CRPPA: variants seen among roughly 807,000 people sequenced by gnomAD.
CRPPA encodes the protein D-ribitol-5-phosphate cytidylyltransferase.
Under a neutral mutation model 52.0 loss-of-function variants are expected in CRPPA, and 43 were observed. The ratio of observed to expected loss-of-function variants is 0.83; its 90% CI spans 0.65 to 1.07. The LOEUF is 1.07. Among genes scored for constraint, CRPPA ranks in the 50% least tolerant of loss-of-function variants. CRPPA has a pLI of 0.00. For missense variants in CRPPA, 629 were observed against 551.7 expected (o/e 1.14, Z -1.40); for synonymous variants, 250 against 203.5 (o/e 1.23, Z -1.94).
At chr7:16,334,748 C>G (rs1785637265) in intron 3 of CRPPA, among the ~76,000 whole-genome samples, 1 of 152,158 alleles carries the variant, frequency 6.6e-6, no homozygotes, top group African/African-American at 2.4e-5. Flanking sequence ...CAGGAAGCAA[C>G]CGAGCCCAAT....
chr7:16,209,830 T>C (rs2128395888), intron 9 of CRPPA, among the ~76,000 whole-genome samples: 1 of 152,296 alleles, frequency 6.6e-6, no homozygotes, highest in South Asian at 2.1e-4. Flanking sequence ...CATTTTATAA[T>C]CAAATACAGA....
intron 9 of CRPPA, among the ~76,000 whole-genome samples, chr7:16,151,143 T>C (rs1364763065): frequency 3.9e-5 from 6 of 152,330 alleles, no homozygotes; most frequent in African/African-American, 1.4e-4. Context: ...ACTGATAAAA[T>C]GAGACAATGT....
intron 3 of CRPPA, among the ~76,000 whole-genome samples, chr7:16,336,052 T>C (rs1431221995): frequency 6.6e-6 from 1 of 152,170 alleles, no homozygotes; most frequent in Non-Finnish European, 1.5e-5. Flanking sequence ...TTAAAAATTT[T>C]CCCACAAAAA....
chr7:16,378,798 C>T (rs1031370787), intron 2 of CRPPA, among the ~76,000 whole-genome samples: 1 of 152,078 alleles, frequency 6.6e-6, no homozygotes, highest in Non-Finnish European at 1.5e-5. Context: ...TTAATGATTG[C>T]CATTCTAACT....
intron 3 of CRPPA, among the ~76,000 whole-genome samples, chr7:16,350,025 A>G (rs1260173767): frequency 6.6e-6 from 1 of 152,064 alleles, no homozygotes; most frequent in Non-Finnish European, 1.5e-5. Context: ...TGTTAGAGAC[A>G]TGTGAGCCCC....
intron 8 of CRPPA, among the ~76,000 whole-genome samples, chr7:16,244,521 A>G (rs1294849807): frequency 6.6e-6 from 1 of 152,184 alleles, no homozygotes; most frequent in Non-Finnish European, 1.5e-5. Context: ...AACGTAAGAG[A>G]CAATGGAGGT....
At chr7:16,257,287 G>A (rs1783670330) in intron 8 of CRPPA, among the ~76,000 whole-genome samples, 1 of 152,074 alleles carries the variant, frequency 6.6e-6, no homozygotes, top group South Asian at 2.1e-4. Context: ...TTCTAAGCAA[G>A]TAAATGTGGA....
chr7:16,150,282 A>G (rs1783051790), intron 9 of CRPPA, among the ~76,000 whole-genome samples: 1 of 152,202 alleles, frequency 6.6e-6, no homozygotes, highest in Non-Finnish European at 1.5e-5. Flanking sequence ...AAGAATAATC[A>G]GCAACTTTCT....
rs1292380177 is a variant in CRPPA at position 16,421,102 on chromosome 7, C to G, written c.221G>C (p.Arg74Thr). 2 of 1,300,826 alleles carry G rather than the reference C, an allele frequency of 1.5e-6. No individual in the cohort carries two copies. Among genetic ancestry groups the G allele is most frequent in the African/African-American group, 3.1e-5 (2 of 64,906 alleles). 80.6% of individuals were successfully genotyped at this position (1,300,826 alleles called of 1,614,324 possible). A position where few individuals can be genotyped will look rare whatever the true frequency, so the allele number is the denominator to read the frequency against. ...CTGTAGGGTGTAGCTGATGAGCGGC[C>G]TCTCCAGGATGGGGCAGAATTGCTT... ...TPKQFCPILERPLISYTLQAL... is the reference protein window; with the variant it reads ...TPKQFCPILETPLISYTLQAL... Residue 74 changes from arginine (R) to threonine (T), a missense_variant, in exon 1 of 10, where the codon AGG (arginine) becomes ACG (threonine). Arg to Thr is a moderately conservative substitution (Grantham distance 71). Transcript: ENST00000407010.
chr7:16,328,349 A>T (rs1033643181), intron 3 of CRPPA, among the ~76,000 whole-genome samples: 1 of 152,236 alleles, frequency 6.6e-6, no homozygotes, highest in African/African-American at 2.4e-5. Context: ...AGTTAACTAC[A>T]TTCTAAAACT....
intron 2 of CRPPA, among the ~76,000 whole-genome samples, chr7:16,377,213 T>C (rs983392460): frequency 6.6e-6 from 1 of 152,076 alleles, no homozygotes; most frequent in African/African-American, 2.4e-5. Context: ...ATAAATTGTG[T>C]CACACCTTCC....
chr7:16,324,452 G>A (rs9639259), intron 3 of CRPPA, among the ~76,000 whole-genome samples: 70,724 of 152,028 alleles, frequency 0.47, 16,607 homozygotes, highest in South Asian at 0.6. Context: ...ACATTCTGTC[G>A]ATTCTAACAT....
chr7:16,199,077 T>C (rs977283833), intron 9 of CRPPA, among the ~76,000 whole-genome samples: 1 of 152,188 alleles, frequency 6.6e-6, no homozygotes, highest in Non-Finnish European at 1.5e-5. Flanking sequence ...AATTTTTTAC[T>C]GGAGTGCTGC....
chr7:16,419,842 T>A (rs558236538), intron 1 of CRPPA, among the ~76,000 whole-genome samples: 1 of 152,240 alleles, frequency 6.6e-6, no homozygotes, highest in Non-Finnish European at 1.5e-5. Flanking sequence ...AAATGCTCGA[T>A]TTGAGTAATA....
chr7:16,137,094 T>C (rs1024224401), intron 9 of CRPPA, among the ~76,000 whole-genome samples: 1 of 152,224 alleles, frequency 6.6e-6, no homozygotes, highest in African/African-American at 2.4e-5. Flanking sequence ...CCAAAATTCA[T>C]ATGTTGAAAT....
At chr7:16,305,195 A>G (rs1784881545) in intron 4 of CRPPA, among the ~76,000 whole-genome samples, 1 of 152,238 alleles carries the variant, frequency 6.6e-6, no homozygotes, top group African/African-American at 2.4e-5. Context: ...TACCAAAAAA[A>G]GAAGTCAAAG....
intron 2 of CRPPA, among the ~76,000 whole-genome samples, chr7:16,379,672 G>A (rs1387328634): frequency 6.6e-6 from 1 of 152,156 alleles, no homozygotes; most frequent in African/African-American, 2.4e-5. Flanking sequence ...TCATTGAGCA[G>A]TGGTTTGTAG....
intron 2 of CRPPA, among the ~76,000 whole-genome samples, chr7:16,385,361 A>G (rs1787232139): frequency 6.6e-6 from 1 of 152,200 alleles, no homozygotes; most frequent in Non-Finnish European, 1.5e-5. Context: ...CATCATAGTA[A>G]AAGTGCTGAA....
intron 4 of CRPPA, among the ~76,000 whole-genome samples, chr7:16,308,110 T>G (rs1407562918): frequency 6.6e-6 from 1 of 152,144 alleles, no homozygotes; most frequent in Middle Eastern, 3.4e-3. Flanking sequence ...CTTTGCTTTC[T>G]GCCATAATTG....
Sources: gnomAD v4.1 joint callset for allele counts (sites outside exome capture counted in the v4.1 genomes callset) on GRCh38, gnomAD v4.1.1 for gene constraint, MANE v1.5 for transcripts, NCBI Gene and HGNC (gene_info 2026-07-23, HGNC 2026-07-21) for gene names.